ULK4: variants seen among roughly 807,000 people sequenced by gnomAD.
ULK4 encodes unc-51 like kinase 4, also known as inactive serine/threonine-protein kinase ULK4.
A neutral mutation model predicts 160.6 loss-of-function variants in ULK4; 133 were observed. The ratio of observed to expected loss-of-function variants is 0.83; its 90% CI spans 0.72 to 0.96. ULK4 has a LOEUF of 0.96. Ranked by LOEUF, ULK4 falls within the 40% of genes least tolerant of loss-of-function variation. ULK4 has a pLI of 0.00. For missense variants in ULK4, 1,580 were observed against 1,499.5 expected, an observed-to-expected ratio of 1.05 and a Z score of -0.89; for synonymous variants, 534 against 539.8, an observed-to-expected ratio of 0.99 and a Z score of 0.15.
At chr3:41,390,728 G>A (rs1219300499) in intron 35 of ULK4, among the ~76,000 whole-genome samples, 2 of 152,192 alleles carry the variant, frequency 1.3e-5, no homozygotes, top group Non-Finnish European at 2.9e-5. Context: ...TGTGGTCTGA[G>A]AGACAGTTTG....
intron 17 of ULK4, among the ~76,000 whole-genome samples, chr3:41,858,639 C>T (rs112465148): frequency 2.7e-5 from 4 of 149,584 alleles, no homozygotes; most frequent in Admixed American, 1.3e-4. Flanking sequence ...ACTACAGGCA[C>T]GTGCCACCAT....
At chr3:41,782,616 A>G (rs902406395) in intron 21 of ULK4, among the ~76,000 whole-genome samples, 2 of 152,246 alleles carry the variant, frequency 1.3e-5, no homozygotes, top group Admixed American at 6.5e-5. Flanking sequence ...TATTTTTGGC[A>G]TATGTGAAAG....
intron 32 of ULK4, among the ~76,000 whole-genome samples, chr3:41,486,638 AT>A (rs1431999183): frequency 6.6e-6 from 1 of 152,060 alleles, no homozygotes; most frequent in African/African-American, 2.4e-5. Context: ...CATTTTTTTT[AT>A]TTCTATAGTT....
At position 41,278,984 on chromosome 3, in the gene ULK4, TAATAACA is replaced by T. The variant is rs1276239379; in HGVS notation, c.3679-29417_3679-29411del. 3.9e-5 allele frequency among the ~76,000 whole-genome samples: 6 copies of T among 152,072 alleles called. No homozygotes were observed. In the East Asian group the frequency reaches 1.2e-3, roughly 29 times the overall value. ...ACAGAAGTTGGCTTCAGAAGGTCGG[TAATAACA>T]AACTTCTCCGACCTAAAGGAGCATG... On this transcript the variant is annotated intron_variant, in intron 35 of 36. Transcript: ENST00000301831.
intron 21 of ULK4, among the ~76,000 whole-genome samples, chr3:41,762,036 A>G (rs1223681289): frequency 6.6e-6 from 1 of 152,172 alleles, no homozygotes; most frequent in Non-Finnish European, 1.5e-5. Context: ...GTGAGCTATG[A>G]TCTCATCACT....
At chr3:41,426,845 C>T (rs972776457) in intron 34 of ULK4, among the ~76,000 whole-genome samples, 3 of 152,040 alleles carry the variant, frequency 2.0e-5, no homozygotes, top group African/African-American at 7.2e-5. Flanking sequence ...CCTAACATCA[C>T]AACTAAAAAA....
At chr3:41,846,652 G>T (rs970152188) in intron 17 of ULK4, among the ~76,000 whole-genome samples, 4 of 151,824 alleles carry the variant, frequency 2.6e-5, no homozygotes, top group African/African-American at 9.7e-5. Context: ...TAAAAATACA[G>T]AAATTCCCCA....
intron 32 of ULK4, among the ~76,000 whole-genome samples, chr3:41,482,916 G>A (rs1211968865): frequency 6.6e-6 from 1 of 152,000 alleles, no homozygotes; most frequent in Non-Finnish European, 1.5e-5. Flanking sequence ...TATTTATAAG[G>A]TACATGAGAT....
chr3:41,445,630 C>T lies in ULK4; in HGVS notation c.3492+9867G>A, dbSNP rs538648868. Among the ~76,000 whole-genome samples, 618 of 152,066 alleles carry T rather than the reference C, an allele frequency of 4.1e-3. 4 individuals are homozygous for T. The highest frequency in any genetic ancestry group is 0.014 in the African/African-American group (584 of 41,490). ...CAAAAACAAGAAATGGGGAAAGGAT[C>T]CCCTATTTAATAAATGGTGCTGGGG... On this transcript the variant is annotated intron_variant, in intron 34 of 36. Transcript: ENST00000301831.
chr3:41,840,722 C>A (rs2041891435), intron 17 of ULK4, among the ~76,000 whole-genome samples: 1 of 152,222 alleles, frequency 6.6e-6, no homozygotes, highest in Non-Finnish European at 1.5e-5. Context: ...CTCAGATCGC[C>A]ACAACCTCCA....
At chr3:41,428,030 T>C (rs1239465774) in intron 34 of ULK4, among the ~76,000 whole-genome samples, 1 of 152,148 alleles carries the variant, frequency 6.6e-6, no homozygotes, top group Non-Finnish European at 1.5e-5. Context: ...CTCCATCATC[T>C]CAGCCCAAAA....
At chr3:41,558,246 G>T (rs2087381175) in intron 32 of ULK4, among the ~76,000 whole-genome samples, 1 of 152,086 alleles carries the variant, frequency 6.6e-6, no homozygotes, top group Admixed American at 6.5e-5. Context: ...AATAAATTAT[G>T]CTACATCCAT....
chr3:41,262,629 C>T (rs1025978935), intron 35 of ULK4, among the ~76,000 whole-genome samples: 8 of 152,030 alleles, frequency 5.3e-5, no homozygotes, highest in South Asian at 2.1e-4. Flanking sequence ...AAGTAACATG[C>T]GGAGGATTTG....
chr3:41,648,766 C>G (rs1471075788), intron 30 of ULK4, among the ~76,000 whole-genome samples: 1 of 152,170 alleles, frequency 6.6e-6, no homozygotes, highest in African/African-American at 2.4e-5. Context: ...ATCAATCTAG[C>G]AGGTCACCAC....
At chr3:41,354,118 T>C (rs1447617273) in intron 35 of ULK4, among the ~76,000 whole-genome samples, 2 of 152,144 alleles carry the variant, frequency 1.3e-5, no homozygotes, top group Admixed American at 1.3e-4. Context: ...GTCACACATA[T>C]GCCCTCACAC....
intron 2 of ULK4, among the ~76,000 whole-genome samples, chr3:41,953,443 C>G (rs531637306): frequency 1.3e-5 from 2 of 151,752 alleles, no homozygotes; most frequent in African/African-American, 4.8e-5. Context: ...GCTGGAATTA[C>G]AGGTGTGCAC....
Position 41,898,501 on chromosome 3 carries a change from T to TA in ULK4, c.1288-10dup. 7.4e-7 allele frequency: 1 copy of TA among 1,356,684 alleles called. No individual in the cohort carries two copies. The highest frequency in any genetic ancestry group is 1.4e-5 in the African/African-American group (1 of 69,968). The allele number at this position is 1,356,684 out of a possible 1,614,324, so 84.0% of individuals were successfully genotyped here. ...GGTGGCTGTTTCATTATCTGTGGTT[T>TA]AAAAAAAAAGAAAGCTTTTGAGACA... On this transcript the variant is annotated splice_polypyrimidine_tract_variant and intron_variant, in intron 13 of 36. Transcript: ENST00000301831.
At chr3:41,485,729 T>G (rs2084503368) in intron 32 of ULK4, among the ~76,000 whole-genome samples, 1 of 152,202 alleles carries the variant, frequency 6.6e-6, no homozygotes, top group Non-Finnish European at 1.5e-5. Flanking sequence ...GGAGCGCATT[T>G]CATTTTCAGT....
intron 31 of ULK4, among the ~76,000 whole-genome samples, chr3:41,585,785 T>C (rs2030750638): frequency 1.3e-5 from 2 of 152,306 alleles, no homozygotes; most frequent in African/African-American, 4.8e-5. Context: ...GAGGGGTTAC[T>C]ATCTACATTG....
Sources: allele counts gnomAD v4.1 joint callset (sites outside exome capture counted in the v4.1 genomes callset), GRCh38; gene constraint gnomAD v4.1.1; transcripts MANE v1.5; gene names NCBI Gene and HGNC (gene_info 2026-07-23, HGNC 2026-07-21).